The following DLGAP2 variants were observed in gnomAD, a reference collection of about 807,000 sequenced individuals.
The protein encoded by DLGAP2 is disks large-associated protein 2.
A neutral mutation model predicts 100.3 loss-of-function variants in DLGAP2; 26 were observed. The observed-to-expected ratio is 0.26, with a 90% CI of 0.19 to 0.36. DLGAP2 has a LOEUF of 0.36. DLGAP2 is among the 10% of genes least tolerant of loss of function. The probability of loss-of-function intolerance (pLI) is 1.00; values close to 1 mark genes in which losing one functional copy is unlikely to be tolerated. For synonymous variants in DLGAP2, 886 were observed against 630.1 expected (o/e 1.41, Z -6.08); for missense variants, 1,858 against 1,453.2 (o/e 1.28, Z -4.53).
At chr8:1,203,872 G>A (rs1270856112) in intron 2 of DLGAP2, among the ~76,000 whole-genome samples, 1 of 152,178 alleles carries the variant, frequency 6.6e-6, no homozygotes, top group Non-Finnish European at 1.5e-5. Context: ...TTCTCATTTA[G>A]GGAGGAGTAG....
At chr8:1,193,782 C>A (rs17753642) in intron 2 of DLGAP2, among the ~76,000 whole-genome samples, 7 of 151,698 alleles carry the variant, frequency 4.6e-5, no homozygotes, top group Non-Finnish European at 1.0e-4. Context: ...CCTCTAGAGC[C>A]TCCGCACCAT....
At chr8:1,535,978 G>A (rs372127784) in intron 4 of DLGAP2, among the ~76,000 whole-genome samples, 1 of 152,192 alleles carries the variant, frequency 6.6e-6, no homozygotes. Flanking sequence ...CATCCTCTCC[G>A]AGGCTCACCT....
In DLGAP2 at chr8:1,291,689, A is replaced by G. The variant is rs561153622; in HGVS notation, c.106+32806A>G. Among the ~76,000 whole-genome samples, 10 of 152,290 alleles carry G rather than the reference A, an allele frequency of 6.6e-5. No homozygotes were observed. The East Asian group carries it at 1.9e-3, about 29-fold the overall frequency. ...TTAAAATCTAAGATTCTATAAGTGG[A>G]TGTCCCAGCAGAGCTCATCCTGCTC... On this transcript the variant is annotated intron_variant, in intron 3 of 14. Transcript: ENST00000637795.
At chr8:746,559 G>T (rs1460024636) in intron 1 of DLGAP2, among the ~76,000 whole-genome samples, 1 of 152,260 alleles carries the variant, frequency 6.6e-6, no homozygotes, top group Non-Finnish European at 1.5e-5. Flanking sequence ...GGTCATGGCA[G>T]TGTCCCTGCA....
chr8:1,390,989 C>T (rs9969552), intron 3 of DLGAP2, among the ~76,000 whole-genome samples: 105,349 of 152,070 alleles, frequency 0.69, 36,626 homozygotes, highest in Non-Finnish European at 0.72. Flanking sequence ...GCTGGCAGGA[C>T]GAAGGGGCAG....
At chr8:1,202,147 CATGTG>C (rs754053181) in intron 2 of DLGAP2, among the ~76,000 whole-genome samples, 29 of 146,314 alleles carry the variant, frequency 2.0e-4, no homozygotes, top group African/African-American at 8.0e-4. Context: ...TGTGTATACA[CATGTG>C]GTGTGTACAG....
chr8:1,567,974 G>A (rs1459130829), intron 6 of DLGAP2, among the ~76,000 whole-genome samples: 1 of 152,112 alleles, frequency 6.6e-6, no homozygotes, highest in African/African-American at 2.4e-5. Flanking sequence ...CGTTACTCCT[G>A]TTCTAAACAC....
At chr8:1,661,354 G>T (rs544631544) in intron 8 of DLGAP2, among the ~76,000 whole-genome samples, 1 of 152,262 alleles carries the variant, frequency 6.6e-6, no homozygotes, top group Admixed American at 6.5e-5. Context: ...CTGAGAAGAG[G>T]CAGGGAGTAA....
intron 2 of DLGAP2, among the ~76,000 whole-genome samples, chr8:957,177 C>T (rs1799615452): frequency 6.6e-6 from 1 of 152,158 alleles, no homozygotes. Context: ...GAGTCCTGGA[C>T]CTGGCATAGG....
intron 6 of DLGAP2, chr8:1,604,483 C>T (rs1024013257): frequency 6.6e-6 from 1 of 151,866 alleles, no homozygotes; most frequent in Non-Finnish European, 1.5e-5. Context: ...TTGGGGCTGA[C>T]CTCACCCTTC....
chr8:1,424,182 G>T (rs946328352), intron 3 of DLGAP2, among the ~76,000 whole-genome samples: 3 of 152,230 alleles, frequency 2.0e-5, no homozygotes, highest in Admixed American at 2.0e-4. Context: ...TTTCACGCAA[G>T]TTGAGAGACC....
At chr8:1,692,727 C>G (rs1799284196) in intron 13 of DLGAP2, among the ~76,000 whole-genome samples, 1 of 151,986 alleles carries the variant, frequency 6.6e-6, no homozygotes. Context: ...ATAATTTAGC[C>G]TTTGTATTTT....
intron 1 of DLGAP2, among the ~76,000 whole-genome samples, chr8:872,817 C>G (rs928695249): frequency 2.0e-5 from 3 of 152,212 alleles, no homozygotes; most frequent in Non-Finnish European, 2.9e-5. Context: ...GGCACCCTCT[C>G]TGTCCTCCAC....
At chr8:1,668,262 G>A (rs1798594602) in intron 8 of DLGAP2, 67 bp from the exon 9 acceptor site, 6 of 1,394,864 alleles carry the variant, frequency 4.3e-6, no homozygotes, top group Non-Finnish European at 5.7e-6. Context: ...TGGGCGTGGG[G>A]AAACAGTAGA....
intron 2 of DLGAP2, among the ~76,000 whole-genome samples, chr8:1,221,462 G>A (rs1798313028): frequency 6.6e-6 from 1 of 152,180 alleles, no homozygotes; most frequent in South Asian, 2.1e-4. Flanking sequence ...TCTGCTGAAA[G>A]GTCCACTGTT....
chr8:1,338,098 G>A (rs1396801913), intron 3 of DLGAP2, among the ~76,000 whole-genome samples: 1 of 152,222 alleles, frequency 6.6e-6, no homozygotes, highest in Non-Finnish European at 1.5e-5. Flanking sequence ...CACGTAAAAT[G>A]GTGCAGCCAT....
chr8:1,547,565 G>A (rs1801584131), intron 4 of DLGAP2, among the ~76,000 whole-genome samples: 1 of 152,136 alleles, frequency 6.6e-6, no homozygotes, highest in South Asian at 2.1e-4. Flanking sequence ...AGAGACCAGG[G>A]GAGCAACAGG....
intron 1 of DLGAP2, among the ~76,000 whole-genome samples, chr8:892,752 C>T (rs1001837668): frequency 4.6e-5 from 7 of 152,136 alleles, no homozygotes; most frequent in East Asian, 1.9e-4. Context: ...TAGGAGAGGC[C>T]GAGCCAGGCA....
At chr8:1,002,157 T>A (rs910440637) in intron 2 of DLGAP2, 10 of 152,166 alleles carry the variant, frequency 6.6e-5, no homozygotes, top group Non-Finnish European at 1.3e-4. Flanking sequence ...GGCTGAGAAC[T>A]CACAGCTAAG....
Sources: gnomAD v4.1 joint callset for allele counts (sites outside exome capture counted in the v4.1 genomes callset) on GRCh38, gnomAD v4.1.1 for gene constraint, MANE v1.5 for transcripts, NCBI Gene and HGNC (gene_info 2026-07-23, HGNC 2026-07-21) for gene names.